CNTNAP5: variants seen among roughly 807,000 people sequenced by gnomAD.
The protein encoded by CNTNAP5 is contactin-associated protein-like 5.
A neutral mutation model predicts 150.2 loss-of-function variants in CNTNAP5; 72 were observed. That is an observed-to-expected ratio of 0.48 (90% CI 0.40 to 0.58). The LOEUF (loss-of-function observed/expected upper bound fraction) is 0.58. Ranked by LOEUF, CNTNAP5 falls within the 20% of genes least tolerant of loss-of-function variation. The probability of loss-of-function intolerance (pLI) is 0.00; values close to 1 mark genes in which losing one functional copy is unlikely to be tolerated. For missense variants in CNTNAP5, 1,636 were observed against 1,626.2 expected (o/e 1.01, Z -0.10); for synonymous variants, 672 against 619.8 (o/e 1.08, Z -1.25).
intron 3 of CNTNAP5, among the ~76,000 whole-genome samples, chr2:124,266,820 C>T (rs957966797): frequency 6.6e-6 from 1 of 152,186 alleles, no homozygotes; most frequent in African/African-American, 2.4e-5. Flanking sequence ...ACAAGCGACA[C>T]TTTGTCTTTT....
intron 19 of CNTNAP5, among the ~76,000 whole-genome samples, chr2:124,842,280 C>T (rs1467853847): frequency 2.0e-5 from 3 of 152,102 alleles, no homozygotes; most frequent in African/African-American, 7.2e-5. Flanking sequence ...CATAAAACAT[C>T]GGTCAGTTTC....
intron 13 of CNTNAP5, among the ~76,000 whole-genome samples, chr2:124,657,130 G>T (rs900412614): frequency 6.6e-6 from 1 of 152,150 alleles, no homozygotes; most frequent in Non-Finnish European, 1.5e-5. Flanking sequence ...ATCTCATAGT[G>T]TGGCCATTCA....
At chr2:124,510,502 T>TATATATATAC (rs1694558770) in intron 8 of CNTNAP5, among the ~76,000 whole-genome samples, 1 of 63,832 alleles carries the variant, frequency 1.6e-5, no homozygotes, top group South Asian at 3.8e-4. Context: ...TATATATATA[T>TATATATATAC]ATATATATAT....
chr2:124,592,894 C>G (rs1335288845), intron 11 of CNTNAP5, among the ~76,000 whole-genome samples: 1 of 151,610 alleles, frequency 6.6e-6, no homozygotes, highest in African/African-American at 2.4e-5. Context: ...CCCAGTTTGT[C>G]CATTTGCCCT....
At chr2:124,249,580 G>A (rs538743168) in intron 3 of CNTNAP5, among the ~76,000 whole-genome samples, 17 of 152,248 alleles carry the variant, frequency 1.1e-4, no homozygotes, top group African/African-American at 3.4e-4. Context: ...GCCCCCATCC[G>A]CTTTGGGTTG....
chr2:124,675,538 G>T (rs1678922064), intron 13 of CNTNAP5, among the ~76,000 whole-genome samples: 1 of 151,952 alleles, frequency 6.6e-6, no homozygotes, highest in Non-Finnish European at 1.5e-5. Context: ...TGGTTATCCT[G>T]GGAATTACAA....
chr2:124,719,162 C>A (rs1042060520), intron 13 of CNTNAP5, among the ~76,000 whole-genome samples: 4 of 152,102 alleles, frequency 2.6e-5, no homozygotes, highest in African/African-American at 9.7e-5. Context: ...AATTGTGCAA[C>A]CCTCTTGGGT....
intron 1 of CNTNAP5, among the ~76,000 whole-genome samples, chr2:124,033,757 TCTG>T (rs1302675153): frequency 6.6e-6 from 1 of 152,184 alleles, no homozygotes; most frequent in Admixed American, 6.5e-5. Context: ...AAACAACCCT[TCTG>T]CTAACTCCAT....
At chr2:124,527,176 A>G in intron 9 of CNTNAP5, 109 bp from the exon 10 acceptor site, 1 of 860,398 alleles carries the variant, frequency 1.2e-6, no homozygotes, top group Non-Finnish European at 1.8e-6. Flanking sequence ...ACTGCTGTGA[A>G]TGAGAAAGCA....
At chr2:124,555,155 A>T (rs1250466731) in intron 10 of CNTNAP5, among the ~76,000 whole-genome samples, 2 of 152,158 alleles carry the variant, frequency 1.3e-5, no homozygotes, top group Non-Finnish European at 2.9e-5. Flanking sequence ...ATTACAACAC[A>T]CAGAAGTTTC....
chr2:124,655,540 T>C lies in CNTNAP5; in HGVS notation c.2077+7582T>C, dbSNP rs1258679645. 7.6e-5 allele frequency among the ~76,000 whole-genome samples: 2 copies of C among 26,250 alleles called. 1 individual carries two copies. Among genetic ancestry groups the C allele is most frequent in the Non-Finnish European group, 2.1e-4 (2 of 9,410 alleles). The allele number at this position is 26,250 out of a possible 152,430, so 17.2% of individuals were successfully genotyped here. A position where few individuals can be genotyped will look rare whatever the true frequency, so the allele number is the denominator to read the frequency against. On this transcript the variant is annotated intron_variant, in intron 13 of 23. Coordinates refer to ENST00000682447, the MANE Select transcript of CNTNAP5 (RefSeq NM_001367498.1). ...ATGGGATTTCTGCATCAAATGATTATATATATATATATATATATATTTACC... is the reference window on the plus strand; with the variant it reads ...ATGGGATTTCTGCATCAAATGATTACATATATATATATATATATATTTACC...
intron 3 of CNTNAP5, among the ~76,000 whole-genome samples, chr2:124,398,200 A>T (rs538454199): frequency 1.3e-5 from 2 of 152,294 alleles, no homozygotes; most frequent in East Asian, 3.9e-4. Flanking sequence ...TGTTGCCTAG[A>T]AGAGGAGACC....
intron 3 of CNTNAP5, among the ~76,000 whole-genome samples, chr2:124,399,583 T>G (rs1292586466): frequency 6.6e-6 from 1 of 151,970 alleles, no homozygotes; most frequent in Non-Finnish European, 1.5e-5. Flanking sequence ...TAGATTTATT[T>G]AGTCATCATT....
intron 4 of CNTNAP5, among the ~76,000 whole-genome samples, chr2:124,424,863 C>T (rs1170783569): frequency 1.3e-5 from 2 of 152,150 alleles, no homozygotes; most frequent in Non-Finnish European, 2.9e-5. Context: ...GAAACCAAGT[C>T]TTTGGCAAGG....
intron 19 of CNTNAP5, among the ~76,000 whole-genome samples, chr2:124,826,469 G>A (rs1239156680): frequency 6.6e-6 from 1 of 152,056 alleles, no homozygotes; most frequent in African/African-American, 2.4e-5. Context: ...CAGATTCCCA[G>A]CCCCTCCCTG....
At chr2:124,548,711 A>C (rs968126295) in intron 10 of CNTNAP5, among the ~76,000 whole-genome samples, 10 of 152,208 alleles carry the variant, frequency 6.6e-5, no homozygotes, top group Admixed American at 2.0e-4. Flanking sequence ...AACCATCTGC[A>C]AGTATAAGTG....
intron 1 of CNTNAP5, among the ~76,000 whole-genome samples, chr2:124,194,267 T>C (rs137879022): frequency 6.6e-6 from 1 of 151,306 alleles, no homozygotes; most frequent in African/African-American, 2.4e-5. Context: ...ATATCTCATA[T>C]CCAGAAAGGC....
intron 19 of CNTNAP5, among the ~76,000 whole-genome samples, chr2:124,809,802 G>A (rs896371652): frequency 1.3e-5 from 2 of 152,178 alleles, no homozygotes; most frequent in East Asian, 1.9e-4. Flanking sequence ...GAGAATAAAT[G>A]TGGAGGAGGT....
At chr2:124,472,325 AG>A (rs1693537412) in intron 6 of CNTNAP5, among the ~76,000 whole-genome samples, 2 of 152,058 alleles carry the variant, frequency 1.3e-5, no homozygotes, top group South Asian at 4.1e-4. Context: ...AAAGAGCAGA[AG>A]GATATTCTCT....
Sources: allele counts gnomAD v4.1 joint callset (sites outside exome capture counted in the v4.1 genomes callset), GRCh38; gene constraint gnomAD v4.1.1; transcripts MANE v1.5; gene names NCBI Gene and HGNC (gene_info 2026-07-23, HGNC 2026-07-21).